The following PPP1R1C variants were observed in gnomAD, a reference collection of about 807,000 sequenced individuals.
The protein encoded by PPP1R1C is protein phosphatase 1 regulatory inhibitor subunit 1C, also known as protein phosphatase 1 regulatory subunit 1C.
A neutral mutation model predicts 17.4 loss-of-function variants in PPP1R1C; 15 were observed. That is an observed-to-expected ratio of 0.86 (90% CI 0.58 to 1.33). The LOEUF (loss-of-function observed/expected upper bound fraction) is 1.33, where lower values mean the gene tolerates loss of function less well. Ranked by LOEUF, PPP1R1C falls within the 40% of genes most tolerant of loss-of-function variation. The pLI, the probability that PPP1R1C is intolerant of heterozygous loss-of-function variation, is 0.00. For synonymous variants in PPP1R1C, 35 were observed against 43.1 expected (o/e 0.81, Z 0.73); for missense variants, 143 against 130.0 (o/e 1.10, Z -0.48).
At chr2:182,072,729 A>G (rs954619933) in intron 4 of PPP1R1C, among the ~76,000 whole-genome samples, 1 of 152,214 alleles carries the variant, frequency 6.6e-6, no homozygotes, top group East Asian at 1.9e-4. Context: ...AGATCTTTTT[A>G]TACCAATGTT....
At chr2:182,035,809 A>G (rs1291600249) in intron 2 of PPP1R1C, among the ~76,000 whole-genome samples, 1 of 152,120 alleles carries the variant, frequency 6.6e-6, no homozygotes, top group African/African-American at 2.4e-5. Context: ...TTCTTTATAA[A>G]TTACCCAGTA....
downstream of PPP1R1C, among the ~76,000 whole-genome samples, chr2:182,121,484 T>TTTTA (rs940538578): frequency 1.2e-4 from 18 of 151,992 alleles, no homozygotes; most frequent in Admixed American, 3.9e-4. Context: ...TACTTTTTAT[T>TTTTA]TTTATTTATT....
intron 2 of PPP1R1C, among the ~76,000 whole-genome samples, chr2:182,011,116 AT>A (rs1686077179): frequency 6.6e-6 from 1 of 152,040 alleles, no homozygotes; most frequent in Non-Finnish European, 1.5e-5. Flanking sequence ...TTTTGGTATC[AT>A]GGTCCTTCTG....
intron 4 of PPP1R1C, among the ~76,000 whole-genome samples, chr2:182,076,314 C>A (rs1688309663): frequency 7.1e-6 from 1 of 141,824 alleles, no homozygotes; most frequent in Non-Finnish European, 1.5e-5. Context: ...CCTGCCTCAG[C>A]CTCCTGAGTA....
chr2:181,964,336 A>G (rs1447107200), intron 1 of PPP1R1C, among the ~76,000 whole-genome samples: 1 of 152,334 alleles, frequency 6.6e-6, no homozygotes, highest in Middle Eastern at 3.4e-3. Context: ...CAAAGAAAAT[A>G]TGTACCACAG....
intron 2 of PPP1R1C, among the ~76,000 whole-genome samples, chr2:181,991,258 T>C (rs775189554): frequency 2.2e-4 from 33 of 152,330 alleles, no homozygotes; most frequent in Non-Finnish European, 3.5e-4. Flanking sequence ...TTTTGTTTGC[T>C]AGTTCATCTA....
At chr2:182,124,077 G>A (rs1341639856) in intron 5 of PPP1R1C, among the ~76,000 whole-genome samples, 2 of 152,262 alleles carry the variant, frequency 1.3e-5, no homozygotes, top group East Asian at 3.9e-4. Flanking sequence ...CATATGGCTA[G>A]CCAGTTTTCC....
At chr2:182,107,964 C>A (rs1162601439) in intron 4 of PPP1R1C, among the ~76,000 whole-genome samples, 1 of 152,004 alleles carries the variant, frequency 6.6e-6, no homozygotes, top group Non-Finnish European at 1.5e-5. Context: ...GCTATCCCCA[C>A]CTGCATTCTG....
chr2:182,125,327 C>G (rs576621351), intron 5 of PPP1R1C, among the ~76,000 whole-genome samples: 1 of 152,042 alleles, frequency 6.6e-6, no homozygotes, highest in Admixed American at 6.6e-5. Flanking sequence ...GTTTTCACAT[C>G]GATGTTCATC....
At chr2:182,065,743 C>A (rs1047644115) in intron 4 of PPP1R1C, among the ~76,000 whole-genome samples, 4 of 151,970 alleles carry the variant, frequency 2.6e-5, no homozygotes, top group Admixed American at 1.3e-4. Context: ...AAAAAAAATT[C>A]TAAAAAGAAA....
chr2:182,057,697 C>G lies in PPP1R1C; in HGVS notation c.143-3745C>G, dbSNP rs112325365. 6.6e-5 allele frequency among the ~76,000 whole-genome samples: 10 copies of G among 152,238 alleles called. 3 individuals are homozygous for G. The highest frequency in any genetic ancestry group is 2.2e-4 in the African/African-American group (9 of 41,550). On this transcript the variant is annotated intron_variant, in intron 2 of 4. Coordinates refer to ENST00000682840, the MANE Select transcript of PPP1R1C (RefSeq NM_001080545.3). ...CTTCAACTAAACTTTGAAATATTCT[C>G]TTTGTAAGCTCACTCTTGCCCTTCC... is the stretch of plus-strand genomic sequence containing the variant.
At chr2:181,972,748 A>G (rs1272545868) in intron 1 of PPP1R1C, among the ~76,000 whole-genome samples, 1 of 152,142 alleles carries the variant, frequency 6.6e-6, no homozygotes, top group Admixed American at 6.5e-5. Context: ...GCGCCTAGAA[A>G]ATAAAGTTTT....
chr2:181,998,004 T>C (rs1389485735), intron 2 of PPP1R1C, among the ~76,000 whole-genome samples: 3 of 152,250 alleles, frequency 2.0e-5, no homozygotes, highest in Non-Finnish European at 4.4e-5. Flanking sequence ...TTTTATTGTT[T>C]CTGCTGTGTC....
chr2:182,129,284 T>C (rs1689948835), exon 6 of PPP1R1C: 1 of 152,188 alleles, frequency 6.6e-6, no homozygotes, highest in South Asian at 2.1e-4. Context: ...TTTAGGTACA[T>C]TTTAAGTGAT....
At chr2:182,123,837 T>C (rs1384895303) in intron 5 of PPP1R1C, among the ~76,000 whole-genome samples, 2 of 152,248 alleles carry the variant, frequency 1.3e-5, no homozygotes, top group Non-Finnish European at 2.9e-5. Context: ...TCTTTTGCCG[T>C]ACAGAAGCTC....
chr2:181,955,722 C>A (rs191036610), intron 1 of PPP1R1C, among the ~76,000 whole-genome samples: 5 of 152,260 alleles, frequency 3.3e-5, no homozygotes, highest in Admixed American at 3.3e-4. Context: ...GTGGGAGGAG[C>A]TTATACACTA....
intron 2 of PPP1R1C, among the ~76,000 whole-genome samples, chr2:182,042,117 T>C (rs557377104): frequency 6.6e-6 from 1 of 152,322 alleles, no homozygotes; most frequent in African/African-American, 2.4e-5. Context: ...TTGAATTATG[T>C]AGTTGTATTC....
chr2:181,985,572 T>G (rs909235124), upstream of PPP1R1C, among the ~76,000 whole-genome samples: 1 of 152,236 alleles, frequency 6.6e-6, no homozygotes, highest in African/African-American at 2.4e-5. This position sits in a 1 kb window ranked among gnomAD's most constrained non-coding sequence, Gnocchi z 4.1. Context: ...CAAAGGTATC[T>G]GACTTATAAG....
At chr2:182,103,641 C>A (rs1689163417) in intron 4 of PPP1R1C, 1 of 152,124 alleles carries the variant, frequency 6.6e-6, no homozygotes, top group Non-Finnish European at 1.5e-5. Flanking sequence ...CTTAAGTGAA[C>A]AATGGTAAAT....
Sources: allele counts gnomAD v4.1 joint callset (sites outside exome capture counted in the v4.1 genomes callset), GRCh38; gene constraint gnomAD v4.1.1; non-coding constraint Gnocchi (gnomAD v3.1); transcripts MANE v1.5; gene names NCBI Gene and HGNC (gene_info 2026-07-23, HGNC 2026-07-21).